Variants in GLG1 observed in about 807,000 individuals in gnomAD.
The protein encoded by GLG1 is golgi glycoprotein 1, also known as Golgi apparatus protein 1.
In GLG1, 38 loss-of-function variants were observed where a neutral mutation model predicts 160.5. The observed-to-expected ratio is 0.24, with a 90% CI of 0.18 to 0.31. GLG1 has a LOEUF of 0.31. Ranked by LOEUF, GLG1 falls within the 10% of genes least tolerant of loss-of-function variation. The probability of loss-of-function intolerance (pLI) is 1.00; values close to 1 mark genes in which losing one functional copy is unlikely to be tolerated. For missense variants in GLG1, 1,373 were observed against 1,505.2 expected (o/e 0.91, Z 1.45); for synonymous variants, 644 against 543.4 (o/e 1.19, Z -2.57).
At chr16:74,525,882 G>A (rs2017317385) in intron 2 of GLG1, among the ~76,000 whole-genome samples, 2 of 151,952 alleles carry the variant, frequency 1.3e-5, no homozygotes, top group East Asian at 1.9e-4. Context: ...CTGGTCAGGC[G>A]CAGTGGCTCA....
chr16:74,564,403 C>G (rs1289900398), intron 1 of GLG1, among the ~76,000 whole-genome samples: 1 of 152,192 alleles, frequency 6.6e-6, no homozygotes, highest in Non-Finnish European at 1.5e-5. Context: ...ATACTCCAAA[C>G]TCTTAGTATT....
chr16:74,502,507 T>A (rs1052718821), intron 4 of GLG1, among the ~76,000 whole-genome samples: 10 of 152,108 alleles, frequency 6.6e-5, no homozygotes, highest in African/African-American at 2.2e-4. Context: ...TTTTCTGATA[T>A]TTTATAGATG....
At chr16:74,564,787 A>G (rs1231565702) in intron 1 of GLG1, among the ~76,000 whole-genome samples, 6 of 152,228 alleles carry the variant, frequency 3.9e-5, no homozygotes, top group Admixed American at 3.9e-4. Context: ...CACTCATGCT[A>G]AATGCAACAT....
intron 1 of GLG1, chr16:74,563,237 T>C (rs1384335176): frequency 6.6e-6 from 1 of 152,220 alleles, no homozygotes; most frequent in Non-Finnish European, 1.5e-5. Flanking sequence ...TATGTCTTAA[T>C]GGATGAAAGA....
chr16:74,580,171 TA>T, intron 1 of GLG1, among the ~76,000 whole-genome samples: 1 of 152,058 alleles, frequency 6.6e-6, no homozygotes, highest in Non-Finnish European at 1.5e-5. Context: ...TTATCAGGTA[TA>T]AAAGATGCTA....
chr16:74,530,487 A>C, intron 2 of GLG1, among the ~76,000 whole-genome samples: 1 of 152,210 alleles, frequency 6.6e-6, no homozygotes, highest in Non-Finnish European at 1.5e-5. Context: ...CTGGCAATAC[A>C]TAAATAAATG....
chr16:74,561,546 A>C (rs1373844931), intron 1 of GLG1, among the ~76,000 whole-genome samples: 4 of 152,164 alleles, frequency 2.6e-5, no homozygotes, highest in Non-Finnish European at 5.9e-5. Flanking sequence ...CTGCTAACCC[A>C]AGCAGGACAA....
intron 1 of GLG1, among the ~76,000 whole-genome samples, chr16:74,583,606 C>T (rs2143830321): frequency 6.6e-6 from 1 of 152,240 alleles, no homozygotes; most frequent in South Asian, 2.1e-4. Context: ...TCTTGAACTC[C>T]TGACCTCAAG....
At chr16:74,472,113 C>A (rs1368776491) in intron 14 of GLG1, among the ~76,000 whole-genome samples, 2 of 152,046 alleles carry the variant, frequency 1.3e-5, no homozygotes, top group African/African-American at 4.8e-5. Flanking sequence ...GCCATGTTGC[C>A]CAGGCTGGTC....
At chr16:74,481,008 C>G (rs368888101) in intron 10 of GLG1, among the ~76,000 whole-genome samples, 6 of 152,310 alleles carry the variant, frequency 3.9e-5, no homozygotes, top group African/African-American at 1.4e-4. Flanking sequence ...TTTTAATAGA[C>G]AGCACTCACA....
rs535246769 is a variant in GLG1, at chr16:74,550,663, C to T, written c.439-18510G>A. On this transcript the variant is annotated intron_variant, in intron 1 of 25. Coordinates refer to ENST00000422840, the MANE Select transcript of GLG1 (RefSeq NM_001145667.2). ...ATAATCTTAAGACTCAATTAGGTAA[C>T]TGTTCTCAGTGTGTGAAATAAGACA... Among the ~76,000 whole-genome samples, 26 of 151,948 alleles carry T rather than the reference C, an allele frequency of 1.7e-4. No individual in the cohort carries two copies. In the Middle Eastern group the frequency reaches 0.014, roughly 80 times the overall value.
intron 13 of GLG1, 136 bp from the exon 14 acceptor site, chr16:74,472,547 T>C: frequency 6.8e-7 from 1 of 1,471,082 alleles, no homozygotes; most frequent in Non-Finnish European, 9.2e-7. Context: ...ATTCTAGTAT[T>C]TGAAGTAGAT....
chr16:74,546,836 T>TAAAAAAAAA (rs1567516225), intron 1 of GLG1, among the ~76,000 whole-genome samples: 1 of 716 alleles, frequency 1.4e-3, no homozygotes, highest in Admixed American at 0.019. Context: ...AGACTCCATC[T>TAAAAAAAAA]CAAAAAAAAA....
rs530282832 is a variant in GLG1 at position 74,496,510 on chromosome 16, C to T, written c.909G>A (p.Ser303=). The T allele has an allele frequency of 6.8e-6, 11 of 1,614,008 alleles. No individual in the cohort carries two copies. The highest frequency in any genetic ancestry group is 1.3e-5 in the African/African-American group (1 of 75,012). ...KAILRVAELS[S]DDFHLDRHLY... ...AATGCCGGTCTAAGTGAAAGTCATC[C>T]GATGACAGCTCAGCCACCCGGAGAA... The change falls in exon 5 of 26, where the codon TCG becomes TCA. Residue 303 remains serine (S), a synonymous_variant. Coordinates refer to ENST00000422840, the MANE Select transcript of GLG1 (RefSeq NM_001145667.2).
chr16:74,534,007 T>A (rs1450038305), intron 1 of GLG1, among the ~76,000 whole-genome samples: 1 of 152,124 alleles, frequency 6.6e-6, no homozygotes, highest in Non-Finnish European at 1.5e-5. Context: ...AAGGTTTCCC[T>A]ATGGAATTAT....
chr16:74,452,880 G>C lies in GLG1; in HGVS notation c.*287C>G, dbSNP rs192064920. 9.0e-7 allele frequency: 1 copy of C among 1,114,068 alleles called. No individual in the cohort carries two copies. The highest frequency in any genetic ancestry group is 1.1e-6 in the Non-Finnish European group (1 of 913,430). The allele number at this position is 1,114,068 out of a possible 1,614,324, so 69.0% of individuals were successfully genotyped here. A position where few individuals can be genotyped will look rare whatever the true frequency, so the allele number is the denominator to read the frequency against. ...AGGTGAGTTGGTTCTGGAAGTACCG[G>C]AAGTTCTGTTGGTATGAGAGAGACT... is the stretch of plus-strand genomic sequence containing the variant. On this transcript the variant is annotated 3_prime_UTR_variant, in exon 26 of 26. Coordinates refer to ENST00000422840, the MANE Select transcript of GLG1 (RefSeq NM_001145667.2).
intron 11 of GLG1, among the ~76,000 whole-genome samples, chr16:74,479,585 G>C (rs1206345129): frequency 6.6e-6 from 1 of 152,084 alleles, no homozygotes; most frequent in Non-Finnish European, 1.5e-5. Context: ...TTTGCATTAA[G>C]CTCAGAAGGG....
At chr16:74,568,759 A>G (rs906573366) in intron 1 of GLG1, among the ~76,000 whole-genome samples, 1 of 152,218 alleles carries the variant, frequency 6.6e-6, no homozygotes, top group Non-Finnish European at 1.5e-5. Context: ...AACCAATAGT[A>G]TCTTAAATCA....
intron 1 of GLG1, among the ~76,000 whole-genome samples, chr16:74,588,824 C>G (rs1199795472): frequency 6.6e-6 from 1 of 152,040 alleles, no homozygotes; most frequent in Admixed American, 6.6e-5. Flanking sequence ...ACATGGTTAT[C>G]AAGAGCTACA....
Sources: gnomAD v4.1 joint callset for allele counts (sites outside exome capture counted in the v4.1 genomes callset) on GRCh38, gnomAD v4.1.1 for gene constraint, MANE v1.5 for transcripts, NCBI Gene and HGNC (gene_info 2026-07-23, HGNC 2026-07-21) for gene names.